HSD17B4: variants seen among roughly 807,000 people sequenced by gnomAD.
HSD17B4 encodes the protein hydroxysteroid 17-beta dehydrogenase 4.
Under a neutral mutation model 101.0 loss-of-function variants are expected in HSD17B4, and 70 were observed. That is an observed-to-expected ratio of 0.69 (90% confidence interval 0.57 to 0.85). The LOEUF (loss-of-function observed/expected upper bound fraction) is 0.85. Ranked by LOEUF, HSD17B4 falls within the 40% of genes least tolerant of loss-of-function variation. HSD17B4 has a pLI of 0.00. For synonymous variants in HSD17B4, 347 were observed against 297.1 expected (o/e 1.17, Z -1.73); for missense variants, 984 against 892.4 (o/e 1.10, Z -1.31).
chr5:119,526,048 T>A, intron 19 of HSD17B4, 25 bp downstream of exon 19: 1 of 1,193,294 alleles, frequency 8.4e-7, no homozygotes, highest in Non-Finnish European at 1.3e-6. Flanking sequence ...CTACGTAATT[T>A]GAATATTACT....
At chr5:119,536,772 T>A (rs1005632782) in intron 23 of HSD17B4, among the ~76,000 whole-genome samples, 1 of 152,132 alleles carries the variant, frequency 6.6e-6, no homozygotes, top group African/African-American at 2.4e-5. Context: ...CTAGATTTTT[T>A]AATATATTCT....
At chr5:119,508,312 G>T (rs1751852562) in intron 15 of HSD17B4, among the ~76,000 whole-genome samples, 1 of 151,682 alleles carries the variant, frequency 6.6e-6, no homozygotes, top group Non-Finnish European at 1.5e-5. Flanking sequence ...AATACAACTT[G>T]GTAATGGTCC....
chr5:119,472,958 A>G (rs1756527026), intron 2 of HSD17B4, among the ~76,000 whole-genome samples: 1 of 152,180 alleles, frequency 6.6e-6, no homozygotes, highest in Non-Finnish European at 1.5e-5. Context: ...GCAGTATTTT[A>G]TTCTTTTTAA....
At chr5:119,528,355 T>A (rs1474450097) in intron 20 of HSD17B4, among the ~76,000 whole-genome samples, 3 of 152,140 alleles carry the variant, frequency 2.0e-5, no homozygotes, top group Non-Finnish European at 4.4e-5. Context: ...TACTCCTAAT[T>A]CCTTTCTGCT....
intron 22 of HSD17B4, among the ~76,000 whole-genome samples, chr5:119,535,248 GATGCAGT>G (rs1262312742): frequency 1.3e-5 from 2 of 149,434 alleles, no homozygotes; most frequent in Non-Finnish European, 3.0e-5. Context: ...GATTAACATT[GATGCAGT>G]ATGTTAGCTA....
At chr5:119,520,043 C>G (rs1380037930) in intron 17 of HSD17B4, among the ~76,000 whole-genome samples, 1 of 152,116 alleles carries the variant, frequency 6.6e-6, no homozygotes, top group Non-Finnish European at 1.5e-5. Flanking sequence ...TACGTGTCAC[C>G]TTCACTTCAC....
intron 8 of HSD17B4, 36 bp downstream of exon 8, chr5:119,479,057 C>G: frequency 6.9e-7 from 1 of 1,453,654 alleles, no homozygotes; most frequent in Non-Finnish European, 9.7e-7. Flanking sequence ...AGTGCTGTTA[C>G]TTACAAACCT....
chr5:119,452,845 C>T (rs1214287534), intron 1 of HSD17B4: 10 of 1,535,576 alleles, frequency 6.5e-6, no homozygotes, highest in South Asian at 1.2e-5. Flanking sequence ...CTCCCCAGCA[C>T]CCCGGTGTGG....
rs1331852613 is a variant in HSD17B4 at position 119,536,419 on chromosome 5, C to G, written c.1994-4C>G. On this transcript the variant is annotated splice_polypyrimidine_tract_variant and splice_region_variant and intron_variant, in intron 22 of 23. Coordinates refer to ENST00000510025, the MANE Select transcript of HSD17B4 (RefSeq NM_000414.4). ...ACACATTGGTTTCTTCCTATTTTTC[C>G]CAGCTATTGACCTGAAAAGTGGTTC... 2 of 1,611,634 alleles carry G rather than the reference C, an allele frequency of 1.2e-6. No individual in the cohort carries two copies. The highest frequency in any genetic ancestry group is 1.7e-6 in the Non-Finnish European group (2 of 1,178,294).
intron 22 of HSD17B4, 88 bp downstream of exon 22, chr5:119,531,492 G>A (rs1281713331): frequency 1.5e-6 from 2 of 1,334,588 alleles, no homozygotes; most frequent in Non-Finnish European, 2.1e-6. Context: ...TTTGAAGGTA[G>A]GTAAATCTTA....
chr5:119,496,972 T>C (rs1224707274), intron 12 of HSD17B4, among the ~76,000 whole-genome samples: 1 of 152,206 alleles, frequency 6.6e-6, no homozygotes, highest in African/African-American at 2.4e-5. Context: ...GTTTCTCCTT[T>C]TCCCTCTCTT....
chr5:119,525,064 C>T (rs892421039), intron 17 of HSD17B4, 152 bp from the exon 18 acceptor site: 1 of 597,772 alleles, frequency 1.7e-6, no homozygotes, highest in African/African-American at 1.9e-5. Context: ...TATAGGTAAT[C>T]TTTATTGTTA....
chr5:119,501,484 G>A (rs1220123584), intron 13 of HSD17B4, among the ~76,000 whole-genome samples: 1 of 151,930 alleles, frequency 6.6e-6, no homozygotes, highest in Non-Finnish European at 1.5e-5. Flanking sequence ...AGGTTAAGTG[G>A]CTATTAAGTT....
intron 13 of HSD17B4, 40 bp from the exon 14 acceptor site, chr5:119,502,001 A>G: frequency 7.7e-7 from 1 of 1,298,508 alleles, no homozygotes; most frequent in Non-Finnish European, 1.1e-6. Flanking sequence ...CCTGTGGAGC[A>G]AGAAAGTTTG....
chr5:119,502,084 C>G lies in HSD17B4; in HGVS notation c.1253C>G (p.Pro418Arg). 5 of 1,598,222 alleles carry G rather than the reference C, an allele frequency of 3.1e-6. No homozygotes were observed. In the Middle Eastern group the frequency reaches 6.6e-4, roughly 212 times the overall value. The change falls in exon 14 of 24, where the codon CCC becomes CGC. Residue 418 changes from proline (P) to arginine (R), a missense_variant. Pro to Arg is a moderately radical substitution (Grantham distance 103). Coordinates refer to ENST00000510025, the MANE Select transcript of HSD17B4 (RefSeq NM_000414.4). ...EQYLELYKPL[P>R]RAGKLKCEAV... ...TACTTAGAGTTATATAAACCACTTC[C>G]CAGAGCAGGTGAGTTATTGATATAC...
rs185840112 is a variant in HSD17B4, at chr5:119,509,058, A to G, written c.1334-83A>G. ...TGGATTTTGTTTTTGAAACCTTGAC[A>G]GGAATTGTTGAACCTATCTTGGTTA... On this transcript the variant is annotated intron_variant, in intron 15 of 23. Transcript: ENST00000510025. 97 of 796,366 alleles carry G rather than the reference A, an allele frequency of 1.2e-4. No homozygotes were observed. In the East Asian group the frequency reaches 2.1e-3, roughly 17 times the overall value. 49.3% of individuals were successfully genotyped at this position (796,366 alleles called of 1,614,324 possible).
chr5:119,473,857 T>C, intron 2 of HSD17B4, 51 bp from the exon 3 acceptor site: 1 of 1,077,716 alleles, frequency 9.3e-7, no homozygotes, highest in Non-Finnish European at 1.4e-6. Flanking sequence ...CACACACACA[T>C]TTTGAAAGTC....
Position 119,524,636 on chromosome 5 carries a change from A to T in HSD17B4, c.1504-580A>T, listed in dbSNP as rs984652931. Reference sequence around the variant, plus strand: ...TTATCCAGGCCACGCTGCTAATCCTACTTTATCTAAGTAAACTAGTGATGT... The same window carrying T: ...TTATCCAGGCCACGCTGCTAATCCTTCTTTATCTAAGTAAACTAGTGATGT... On this transcript the variant is annotated intron_variant, in intron 17 of 23. Transcript: ENST00000510025. Among the ~76,000 whole-genome samples the T allele has an allele frequency of 2.0e-5, 3 of 152,112 alleles. No individual in the cohort carries two copies. The East Asian group carries it at 5.8e-4, about 29-fold the overall frequency.
chr5:119,495,028 A>AT (rs1750500723), intron 11 of HSD17B4, among the ~76,000 whole-genome samples: 1 of 145,678 alleles, frequency 6.9e-6, no homozygotes, highest in African/African-American at 2.8e-5. Flanking sequence ...TATTTGAAAA[A>AT]TGACTATTCG....
Sources: gnomAD v4.1 joint callset for allele counts (sites outside exome capture counted in the v4.1 genomes callset) on GRCh38, gnomAD v4.1.1 for gene constraint, MANE v1.5 for transcripts, NCBI Gene and HGNC (gene_info 2026-07-23, HGNC 2026-07-21) for gene names.